UBASH3B: variants seen among roughly 807,000 people sequenced by gnomAD.
UBASH3B encodes the protein ubiquitin associated and SH3 domain containing B, also known as ubiquitin-associated and SH3 domain-containing protein B.
A neutral mutation model predicts 83.4 loss-of-function variants in UBASH3B; 37 were observed. The ratio of observed to expected loss-of-function variants is 0.44; its 90% CI spans 0.34 to 0.58. The LOEUF (loss-of-function observed/expected upper bound fraction) is 0.58. Among genes scored for constraint, UBASH3B ranks in the 20% least tolerant of loss-of-function variants. The probability of loss-of-function intolerance (pLI) is 0.01; values close to 1 mark genes in which losing one functional copy is unlikely to be tolerated. For missense variants in UBASH3B, 657 were observed against 827.2 expected (o/e 0.79, Z 2.52); for synonymous variants, 304 against 318.3 (o/e 0.96, Z 0.48).
intron 1 of UBASH3B, among the ~76,000 whole-genome samples, chr11:122,741,505 G>C (rs142484004): frequency 1.8e-4 from 27 of 152,256 alleles, no homozygotes; most frequent in Non-Finnish European, 3.4e-4. Context: ...TAAGATCTAA[G>C]TCAGTTCACA....
chr11:122,732,866 C>T (rs903519347), intron 1 of UBASH3B, among the ~76,000 whole-genome samples: 1 of 152,228 alleles, frequency 6.6e-6, no homozygotes, highest in African/African-American at 2.4e-5. Context: ...ATCAATAGCT[C>T]CTCCTATTCA....
At chr11:122,781,780 G>A (rs1860861038) in intron 4 of UBASH3B, among the ~76,000 whole-genome samples, 1 of 152,242 alleles carries the variant, frequency 6.6e-6, no homozygotes, top group Non-Finnish European at 1.5e-5. Context: ...GGTCAAGGGA[G>A]ATTCATTCAT....
intron 1 of UBASH3B, among the ~76,000 whole-genome samples, chr11:122,735,490 A>G (rs1363247517): frequency 6.6e-6 from 1 of 152,236 alleles, no homozygotes; most frequent in African/African-American, 2.4e-5. Flanking sequence ...TCATTCCTTT[A>G]GTTATTAAAC....
intron 1 of UBASH3B, among the ~76,000 whole-genome samples, chr11:122,707,707 TA>T (rs546955360): frequency 8.7e-4 from 133 of 152,212 alleles, no homozygotes; most frequent in African/African-American, 3.0e-3. Flanking sequence ...TTTATTTATT[TA>T]TTTTTTTTGA....
At chr11:122,690,186 A>ATATATATATATCCAAT (rs1863868320) in intron 1 of UBASH3B, among the ~76,000 whole-genome samples, 1 of 26,424 alleles carries the variant, frequency 3.8e-5, no homozygotes, top group African/African-American at 1.4e-4. Flanking sequence ...ATATATATAT[A>ATATATATATATCCAAT]TATATATATA....
intron 1 of UBASH3B, among the ~76,000 whole-genome samples, chr11:122,753,497 CTTTTT>C (rs200062623): frequency 3.5e-5 from 4 of 115,714 alleles, no homozygotes; most frequent in Admixed American, 8.7e-5. Context: ...TTTTTTCTTT[CTTTTT>C]TTTTTTTTTT....
chr11:122,706,410 G>T (rs1864120742), intron 1 of UBASH3B, among the ~76,000 whole-genome samples: 1 of 152,178 alleles, frequency 6.6e-6, no homozygotes, highest in Non-Finnish European at 1.5e-5. Flanking sequence ...CAAAGGTCTT[G>T]TTTGCACATC....
intron 1 of UBASH3B, among the ~76,000 whole-genome samples, chr11:122,744,117 C>T (rs1027133952): frequency 8.5e-5 from 13 of 152,146 alleles, no homozygotes; most frequent in Non-Finnish European, 1.9e-4. Flanking sequence ...CCCTTTACAG[C>T]GGTTCTCACT....
At chr11:122,752,553 CAG>C (rs1307413461) in intron 1 of UBASH3B, among the ~76,000 whole-genome samples, 1 of 152,226 alleles carries the variant, frequency 6.6e-6, no homozygotes, top group Admixed American at 6.5e-5. Context: ...CCTAAGCAAA[CAG>C]GGCACGATGC....
chr11:122,767,727 A>C (rs532486913), intron 1 of UBASH3B, among the ~76,000 whole-genome samples: 1 of 152,300 alleles, frequency 6.6e-6, no homozygotes, highest in African/African-American at 2.4e-5. Context: ...ACTAAGAAGG[A>C]GATTTTCAAA....
At chr11:122,808,548 G>A (rs1861381375) in intron 13 of UBASH3B, among the ~76,000 whole-genome samples, 1 of 152,176 alleles carries the variant, frequency 6.6e-6, no homozygotes, top group Non-Finnish European at 1.5e-5. Flanking sequence ...CTCAAACACA[G>A]GTCCTTGAAG....
intron 1 of UBASH3B, among the ~76,000 whole-genome samples, chr11:122,706,116 T>C (rs986117738): frequency 1.5e-5 from 2 of 137,234 alleles, no homozygotes; most frequent in African/African-American, 2.7e-5. Context: ...CTTTTTTTTT[T>C]TTTCTTTTTT....
intron 1 of UBASH3B, among the ~76,000 whole-genome samples, chr11:122,687,869 A>AT (rs1863828485): frequency 6.6e-6 from 1 of 152,130 alleles, no homozygotes; most frequent in African/African-American, 2.4e-5. Context: ...TTACCTCCCT[A>AT]TCCTGCCATC....
At chr11:122,788,532 G>A (rs1860995518) in intron 5 of UBASH3B, among the ~76,000 whole-genome samples, 1 of 152,138 alleles carries the variant, frequency 6.6e-6, no homozygotes, top group Non-Finnish European at 1.5e-5. Flanking sequence ...TCATGCCATT[G>A]CACTCCAGCC....
intron 1 of UBASH3B, among the ~76,000 whole-genome samples, chr11:122,688,030 T>C (rs1863829967): frequency 6.6e-6 from 1 of 152,188 alleles, no homozygotes; most frequent in Admixed American, 6.5e-5. Context: ...CCACTCGGCA[T>C]GGCAGGTGCC....
rs1591756140 is a variant in UBASH3B, at chr11:122,655,930, C to T, written c.-120C>T. On this transcript the variant is annotated 5_prime_UTR_variant, in exon 1 of 14. Transcript: ENST00000284273. The stretch of plus-strand genomic sequence containing the variant: ...AAGCTCGGAGCGCCGCCTCCGCTGC[C>T]GCCGCCTCCTGCCTGGCTCTGGGTC... The T allele has an allele frequency of 8.9e-7, 1 of 1,126,304 alleles. No individual in the cohort carries two copies. The highest frequency in any genetic ancestry group is 1.2e-6 in the Non-Finnish European group (1 of 848,666). 69.8% of individuals were successfully genotyped at this position (1,126,304 alleles called of 1,614,324 possible).
At chr11:122,780,719 G>A (rs752257273) in intron 4 of UBASH3B, among the ~76,000 whole-genome samples, 40 of 152,336 alleles carry the variant, frequency 2.6e-4, no homozygotes, top group South Asian at 8.3e-4. Flanking sequence ...GCCTGCAGGC[G>A]GGCGGGTGGC....
At chr11:122,661,074 T>C (rs1863431966) in intron 1 of UBASH3B, among the ~76,000 whole-genome samples, 1 of 152,174 alleles carries the variant, frequency 6.6e-6, no homozygotes, top group Non-Finnish European at 1.5e-5. Context: ...AAGATGTGAT[T>C]GGGGCATTAT....
chr11:122,763,140 A>C (rs547985859), intron 1 of UBASH3B, among the ~76,000 whole-genome samples: 35 of 152,210 alleles, frequency 2.3e-4, no homozygotes, highest in Non-Finnish European at 4.1e-4. Context: ...CCTGTGCAAA[A>C]ACTCATTGAT....
Sources: gnomAD v4.1 joint callset for allele counts (sites outside exome capture counted in the v4.1 genomes callset) on GRCh38, gnomAD v4.1.1 for gene constraint, MANE v1.5 for transcripts, NCBI Gene and HGNC (gene_info 2026-07-23, HGNC 2026-07-21) for gene names.